The following ATRNL1 variants were observed in gnomAD, a reference collection of about 807,000 sequenced individuals.
The protein encoded by ATRNL1 is attractin like 1.
A neutral mutation model predicts 182.7 loss-of-function variants in ATRNL1; 95 were observed. The ratio of observed to expected loss-of-function variants is 0.52; its 90% CI spans 0.44 to 0.62. The LOEUF (loss-of-function observed/expected upper bound fraction) is 0.62, where lower values mean the gene tolerates loss of function less well. ATRNL1 is among the 20% of genes least tolerant of loss of function. The probability of loss-of-function intolerance (pLI) is 0.00; values close to 1 mark genes in which losing one functional copy is unlikely to be tolerated. For missense variants in ATRNL1, 1,471 were observed against 1,679.5 expected, an observed-to-expected ratio of 0.88 and a Z score of 2.17; for synonymous variants, 576 against 568.3, an observed-to-expected ratio of 1.01 and a Z score of -0.19.
At chr10:115,743,391 CTG>C (rs1436060846) in intron 27 of ATRNL1, among the ~76,000 whole-genome samples, 1 of 150,380 alleles carries the variant, frequency 6.6e-6, no homozygotes. Flanking sequence ...GACTCTGTCT[CTG>C]TTGTTCTCTT....
At chr10:115,731,061 A>G (rs1354722291) in intron 27 of ATRNL1, among the ~76,000 whole-genome samples, 3 of 152,148 alleles carry the variant, frequency 2.0e-5, no homozygotes, top group Admixed American at 6.5e-5. Context: ...CCCACCCAGA[A>G]TAAGGGTGGG....
chr10:115,451,105 A>G (rs1856358), intron 21 of ATRNL1, among the ~76,000 whole-genome samples: 2,078 of 152,296 alleles, frequency 0.014, 39 homozygotes, highest in African/African-American at 0.048. Context: ...CTTACACCAT[A>G]TACAAAAGTT....
At chr10:115,682,465 T>G (rs1222788266) in intron 26 of ATRNL1, among the ~76,000 whole-genome samples, 4 of 151,934 alleles carry the variant, frequency 2.6e-5, no homozygotes, top group Non-Finnish European at 5.9e-5. Flanking sequence ...TAAACCTGGT[T>G]GGGGGACAGA....
chr10:115,888,452 C>T (rs1952003872), intron 28 of ATRNL1, among the ~76,000 whole-genome samples: 1 of 152,148 alleles, frequency 6.6e-6, no homozygotes, highest in South Asian at 2.1e-4. Flanking sequence ...CAGGTCCTTA[C>T]CGCTCTGGCT....
At chr10:115,399,899 G>A (rs185875984) in intron 20 of ATRNL1, among the ~76,000 whole-genome samples, 1 of 152,032 alleles carries the variant, frequency 6.6e-6, no homozygotes, top group Admixed American at 6.6e-5. Context: ...CATGATGAAG[G>A]CACCGAAAGC....
chr10:115,401,032 A>G (rs1554956866), intron 20 of ATRNL1, among the ~76,000 whole-genome samples: 1 of 152,004 alleles, frequency 6.6e-6, no homozygotes, highest in African/African-American at 2.4e-5. Context: ...AACTAAATGT[A>G]TTTTGGTTGG....
At chr10:115,167,855 G>A (rs1368252585) in intron 7 of ATRNL1, among the ~76,000 whole-genome samples, 1 of 151,964 alleles carries the variant, frequency 6.6e-6, no homozygotes, top group Non-Finnish European at 1.5e-5. Flanking sequence ...ACAATTCAGT[G>A]GTTTTTAGTA....
chr10:115,532,534 G>A (rs12767819), intron 25 of ATRNL1, among the ~76,000 whole-genome samples: 26,399 of 150,970 alleles, frequency 0.17, 2,831 homozygotes, highest in Non-Finnish European at 0.25. Flanking sequence ...GGCTGAGACA[G>A]TGGGGTTTTC....
chr10:115,257,549 T>A (rs762296547), intron 10 of ATRNL1, among the ~76,000 whole-genome samples: 12 of 152,184 alleles, frequency 7.9e-5, no homozygotes, highest in Non-Finnish European at 1.2e-4. Flanking sequence ...GTCTCCTGAA[T>A]ACAGCACACT....
intron 28 of ATRNL1, among the ~76,000 whole-genome samples, chr10:115,921,737 C>T (rs782458248): frequency 2.6e-5 from 4 of 152,206 alleles, no homozygotes; most frequent in Non-Finnish European, 5.9e-5. Context: ...GTCACTTTCA[C>T]TTCATGCAGT....
chr10:115,558,471 A>G (rs1224292633), intron 26 of ATRNL1, among the ~76,000 whole-genome samples: 1 of 152,192 alleles, frequency 6.6e-6, no homozygotes, highest in African/African-American at 2.4e-5. Flanking sequence ...CCTGTGGCCT[A>G]TCCAAGGCAC....
chr10:115,796,012 C>T (rs1949645920), intron 27 of ATRNL1, among the ~76,000 whole-genome samples: 1 of 152,084 alleles, frequency 6.6e-6, no homozygotes, highest in Admixed American at 6.5e-5. Context: ...TAGCTTCCCT[C>T]CTCACTCTGC....
chr10:115,518,814 A>G (rs1308404175), intron 24 of ATRNL1, among the ~76,000 whole-genome samples: 2 of 151,938 alleles, frequency 1.3e-5, no homozygotes, highest in African/African-American at 2.4e-5. Context: ...TCTTATTAAC[A>G]TTAACAAGTT....
intron 19 of ATRNL1, among the ~76,000 whole-genome samples, chr10:115,367,874 C>G (rs1484934032): frequency 1.3e-5 from 2 of 148,342 alleles, no homozygotes; most frequent in Non-Finnish European, 3.0e-5. Flanking sequence ...GCAGTCTGCC[C>G]GTTCTCAGAT....
chr10:115,694,159 A>G (rs1241617058), intron 26 of ATRNL1, among the ~76,000 whole-genome samples: 1 of 117,212 alleles, frequency 8.5e-6, no homozygotes, highest in Non-Finnish European at 1.8e-5. Context: ...CTACTCCCAC[A>G]GTCTACACAG....
At chr10:115,286,439 T>C in intron 15 of ATRNL1, 42 bp downstream of exon 15, 1 of 1,251,440 alleles carries the variant, frequency 8.0e-7, no homozygotes, top group Non-Finnish European at 1.1e-6. Context: ...TATGCTATGA[T>C]AATTTCATAA....
At chr10:115,700,817 T>C (rs1946711340) in intron 26 of ATRNL1, among the ~76,000 whole-genome samples, 1 of 152,088 alleles carries the variant, frequency 6.6e-6, no homozygotes, top group Admixed American at 6.6e-5. Flanking sequence ...CAAGTCCTTC[T>C]AGACCTATGA....
intron 27 of ATRNL1, among the ~76,000 whole-genome samples, chr10:115,822,570 C>G (rs191590783): frequency 6.7e-6 from 1 of 148,454 alleles, no homozygotes; most frequent in African/African-American, 2.4e-5. Context: ...AAGAATCAAA[C>G]AGACACAATA....
chr10:115,931,276 G>A (rs1004469115), intron 28 of ATRNL1, among the ~76,000 whole-genome samples: 14 of 152,078 alleles, frequency 9.2e-5, no homozygotes, highest in Non-Finnish European at 1.8e-4. Flanking sequence ...AAGAGACTAC[G>A]AAACTAAATC....
Sources: gnomAD v4.1 joint callset for allele counts (sites outside exome capture counted in the v4.1 genomes callset) on GRCh38, gnomAD v4.1.1 for gene constraint, MANE v1.5 for transcripts, NCBI Gene and HGNC (gene_info 2026-07-23, HGNC 2026-07-21) for gene names.